Variants in OCA2 observed in about 807,000 individuals in gnomAD.
OCA2 encodes the protein P protein.
A neutral mutation model predicts 100.2 loss-of-function variants in OCA2; 77 were observed. The ratio of observed to expected loss-of-function variants is 0.77; its 90% CI spans 0.64 to 0.93. The LOEUF (loss-of-function observed/expected upper bound fraction) is 0.93. Among genes scored for constraint, OCA2 ranks in the 40% least tolerant of loss-of-function variants. The pLI is 0.00. For synonymous variants in OCA2, 432 were observed against 439.2 expected, an observed-to-expected ratio of 0.98 and a Z score of 0.21; for missense variants, 1,062 against 1,089.1, an observed-to-expected ratio of 0.98 and a Z score of 0.35.
At chr15:27,940,647 C>T (rs190105810) in intron 18 of OCA2, among the ~76,000 whole-genome samples, 11 of 152,258 alleles carry the variant, frequency 7.2e-5, no homozygotes, top group Admixed American at 5.2e-4. Context: ...CTGATACATC[C>T]GGCACAAGAA....
At position 27,957,794 on chromosome 15, in the gene OCA2, C is replaced by A; in HGVS notation, c.1637-59G>T. On this transcript the variant is annotated intron_variant, in intron 15 of 23. Coordinates refer to ENST00000354638, the MANE Select transcript of OCA2 (RefSeq NM_000275.3). This position sits in a 1 kb window ranked among gnomAD's most constrained non-coding sequence, Gnocchi z 4.3. ...CATGACCTCAGATATCAGCAACACCCTCCTCTGTTCCCCACACAGTCGATG... is the reference window on the plus strand; with the variant it reads ...CATGACCTCAGATATCAGCAACACCATCCTCTGTTCCCCACACAGTCGATG... 1.3e-6 allele frequency: 2 copies of A among 1,594,274 alleles called. No individual in the cohort carries two copies. The highest frequency in any genetic ancestry group is 2.2e-5 in the South Asian group (2 of 90,392).
intron 23 of OCA2, among the ~76,000 whole-genome samples, chr15:27,785,691 C>A (rs2032779878): frequency 6.6e-6 from 1 of 152,092 alleles, no homozygotes; most frequent in Non-Finnish European, 1.5e-5. Flanking sequence ...GGCAGTGCCT[C>A]AAAATACTGA....
the OCA2 span, among the ~76,000 whole-genome samples, chr15:27,727,018 A>T: frequency 2.0e-5 from 3 of 152,244 alleles, no homozygotes; most frequent in African/African-American, 7.2e-5. Flanking sequence ...CAAGCTGGAA[A>T]GCTTGTGATG....
the OCA2 span, among the ~76,000 whole-genome samples, chr15:27,719,610 G>A: frequency 0.14 from 21,380 of 152,082 alleles, 2,887 homozygotes; most frequent in African/African-American, 0.35. Context: ...AGTTAGACAT[G>A]CACTATATCT....
intron 23 of OCA2, among the ~76,000 whole-genome samples, chr15:27,762,723 T>C (rs1434564382): frequency 6.6e-6 from 1 of 152,214 alleles, no homozygotes; most frequent in Non-Finnish European, 1.5e-5. Flanking sequence ...CATTTGTTCC[T>C]GCACTAAATC....
rs2041353722 is a variant in OCA2, at chr15:27,986,437, G to A, written c.1239+150C>T. ...AGAGCCATACAACTTAACATAGCAA[G>A]TATACCCTGCCCTGCAGAAGCAACC... On this transcript the variant is annotated intron_variant, in intron 12 of 23. Coordinates refer to ENST00000354638, the MANE Select transcript of OCA2 (RefSeq NM_000275.3). 5 of 643,730 alleles carry A rather than the reference G, an allele frequency of 7.8e-6. No homozygotes were observed. In the East Asian group the frequency reaches 1.1e-4, roughly 14 times the overall value. The allele number at this position is 643,730 out of a possible 1,614,324, so 39.9% of individuals were successfully genotyped here. A position where few individuals can be genotyped will look rare whatever the true frequency, so the allele number is the denominator to read the frequency against.
At chr15:28,093,748 A>G (rs1005008293) in intron 1 of OCA2, among the ~76,000 whole-genome samples, 2 of 152,284 alleles carry the variant, frequency 1.3e-5, no homozygotes, top group South Asian at 4.2e-4. Flanking sequence ...TGCCGGGAAG[A>G]CCACGCCACA....
At chr15:27,792,978 C>T (rs2033156012) in intron 23 of OCA2, among the ~76,000 whole-genome samples, 1 of 152,208 alleles carries the variant, frequency 6.6e-6, no homozygotes, top group Non-Finnish European at 1.5e-5. Flanking sequence ...GAGGGGCGGC[C>T]AGGGCACTTG....
At chr15:27,763,250 T>A (rs1421079338) in intron 23 of OCA2, among the ~76,000 whole-genome samples, 2 of 152,112 alleles carry the variant, frequency 1.3e-5, no homozygotes, top group Admixed American at 1.3e-4. Flanking sequence ...AAAAGTATGA[T>A]TCCATAAGAA....
intron 14 of OCA2, among the ~76,000 whole-genome samples, chr15:27,972,556 T>C (rs2140889201): frequency 6.6e-6 from 1 of 152,368 alleles, no homozygotes; most frequent in Non-Finnish European, 1.5e-5. Context: ...CCATTCTGGC[T>C]GTAATAAGGT....
chr15:27,845,090 T>G, intron 22 of OCA2, 38 bp from the exon 23 acceptor site: 5 of 1,450,186 alleles, frequency 3.4e-6, no homozygotes, highest in Non-Finnish European at 4.8e-6. Flanking sequence ...CCAGTTCATC[T>G]TGGTGGTAAG....
At chr15:27,799,218 C>T (rs961586042) in intron 23 of OCA2, among the ~76,000 whole-genome samples, 1 of 152,214 alleles carries the variant, frequency 6.6e-6, no homozygotes, top group East Asian at 1.9e-4. Context: ...TCCACTCATT[C>T]ACTCAAAGTA....
chr15:27,905,185 G>T (rs1184004821), intron 19 of OCA2, among the ~76,000 whole-genome samples: 2 of 135,178 alleles, frequency 1.5e-5, no homozygotes, highest in Non-Finnish European at 3.2e-5. Context: ...AAAAAAATTG[G>T]CAATGTGGAC....
intron 9 of OCA2, among the ~76,000 whole-genome samples, chr15:28,005,587 G>A (rs184120966): frequency 1.3e-5 from 2 of 152,012 alleles, no homozygotes; most frequent in Non-Finnish European, 2.9e-5. Flanking sequence ...GCCATCAACG[G>A]TGAATCAAGC....
chr15:27,895,776 A>G, intron 19 of OCA2: 2 of 368,176 alleles, frequency 5.4e-6, no homozygotes, highest in Non-Finnish European at 1.0e-5. Flanking sequence ...AGACGGCAAG[A>G]GGGTGAAACT....
At chr15:27,723,382 G>T in the OCA2 span, among the ~76,000 whole-genome samples, 2 of 152,160 alleles carry the variant, frequency 1.3e-5, no homozygotes, top group Non-Finnish European at 2.9e-5. Flanking sequence ...GAGCACTGCT[G>T]TGTGAGTCCA....
chr15:27,786,496 T>C (rs2032823035), intron 23 of OCA2, among the ~76,000 whole-genome samples: 1 of 152,208 alleles, frequency 6.6e-6, no homozygotes, highest in Non-Finnish European at 1.5e-5. Flanking sequence ...TGTACATGTC[T>C]TGCACTTCTT....
chr15:27,809,978 A>C (rs972245263), intron 23 of OCA2, among the ~76,000 whole-genome samples: 1 of 152,252 alleles, frequency 6.6e-6, no homozygotes, highest in African/African-American at 2.4e-5. Flanking sequence ...AATTCCCATC[A>C]AAATGCGAAC....
At chr15:27,890,803 G>T (rs2037425884) in intron 19 of OCA2, among the ~76,000 whole-genome samples, 1 of 152,122 alleles carries the variant, frequency 6.6e-6, no homozygotes, top group South Asian at 2.1e-4. Context: ...CGAGGCAGGT[G>T]GATCACGAGG....
Sources: allele counts gnomAD v4.1 joint callset (sites outside exome capture counted in the v4.1 genomes callset), GRCh38; gene constraint gnomAD v4.1.1; non-coding constraint Gnocchi (gnomAD v3.1); transcripts MANE v1.5; gene names NCBI Gene and HGNC (gene_info 2026-07-23, HGNC 2026-07-21).